Variants in RREB1 observed in about 807,000 individuals in gnomAD.
RREB1 encodes ras responsive element binding protein 1, also known as ras-responsive element-binding protein 1.
Under a neutral mutation model 117.8 loss-of-function variants are expected in RREB1, and 27 were observed. The observed-to-expected ratio is 0.23, with a 90% CI of 0.17 to 0.32. The LOEUF (loss-of-function observed/expected upper bound fraction) is 0.32, where lower values mean the gene tolerates loss of function less well. RREB1 is among the 10% of genes least tolerant of loss of function. RREB1 has a pLI of 1.00. For missense variants in RREB1, 2,577 were observed against 2,378.2 expected, an observed-to-expected ratio of 1.08 and a Z score of -1.74; for synonymous variants, 1,298 against 1,026.7, an observed-to-expected ratio of 1.26 and a Z score of -5.05.
chr6:7,231,847 C>T lies in RREB1; in HGVS notation c.3748C>T (p.His1250Tyr), dbSNP rs950151509. 2 of 1,613,584 alleles carry T rather than the reference C, an allele frequency of 1.2e-6. No individual in the cohort carries two copies. Among genetic ancestry groups the T allele is most frequent in the African/African-American group, 2.7e-5 (2 of 75,052 alleles). ...CTGCCTGCAGAAGATCACCTGTCCC[C>T]ACTGTCCCCGGGTTTTCCCTTGGGC... ...TNCLQKITCP[H>Y]CPRVFPWASS... The change falls in exon 10 of 13, where the codon CAC (histidine) becomes TAC (tyrosine). Residue 1250 changes from histidine to tyrosine, a missense_variant. Coordinates refer to ENST00000379938, the MANE Select transcript of RREB1 (RefSeq NM_001003699.4).
chr6:7,201,891 T>A (rs1355027788), intron 6 of RREB1, among the ~76,000 whole-genome samples: 1 of 152,150 alleles, frequency 6.6e-6, no homozygotes, highest in Non-Finnish European at 1.5e-5. Flanking sequence ...TGTTGGTAGA[T>A]GGTGTACTGT....
intron 6 of RREB1, among the ~76,000 whole-genome samples, chr6:7,202,072 C>T (rs1169443650): frequency 1.3e-5 from 2 of 152,192 alleles, no homozygotes; most frequent in East Asian, 1.9e-4. Context: ...TCTCTCCAAT[C>T]TTGGTTCCCC....
At chr6:7,128,162 C>G (rs1441721205) in intron 1 of RREB1, among the ~76,000 whole-genome samples, 2 of 152,142 alleles carry the variant, frequency 1.3e-5, no homozygotes, top group East Asian at 3.9e-4. Context: ...GGGGGTAGGC[C>G]TCCTGTAAAC....
intron 6 of RREB1, among the ~76,000 whole-genome samples, chr6:7,191,625 T>C (rs1765414260): frequency 6.6e-6 from 1 of 152,242 alleles, no homozygotes; most frequent in Non-Finnish European, 1.5e-5. Context: ...TTTTCCCATT[T>C]GTTAAGTCGT....
At chr6:7,244,386 A>G (rs1346554257) in intron 11 of RREB1, among the ~76,000 whole-genome samples, 3 of 152,214 alleles carry the variant, frequency 2.0e-5, no homozygotes, top group Non-Finnish European at 2.9e-5. Context: ...CAGCCTGGGC[A>G]ACATAGGGAG....
intron 6 of RREB1, among the ~76,000 whole-genome samples, chr6:7,200,282 ATTTT>A (rs1163811223): frequency 2.0e-5 from 2 of 97,734 alleles, no homozygotes; most frequent in Admixed American, 2.3e-4. Flanking sequence ...GTGTGTGTGT[ATTTT>A]TTTTTTTTTC....
chr6:7,152,726 G>A (rs905459175), intron 1 of RREB1, among the ~76,000 whole-genome samples: 1 of 152,226 alleles, frequency 6.6e-6, no homozygotes, highest in Non-Finnish European at 1.5e-5. Context: ...AGCTTTGCCA[G>A]TGCTAAGTGG....
At position 7,249,082 on chromosome 6, in the gene RREB1, A is replaced by G; in HGVS notation, c.*114A>G. 2.6e-6 allele frequency: 2 copies of G among 766,774 alleles called. No homozygotes were observed. The highest frequency in any genetic ancestry group is 4.0e-6 in the Non-Finnish European group (2 of 497,296). The allele number at this position is 766,774 out of a possible 1,614,324, so 47.5% of individuals were successfully genotyped here. On this transcript the variant is annotated 3_prime_UTR_variant, in exon 13 of 13. Transcript: ENST00000379938. The stretch of plus-strand genomic sequence containing the variant: ...AGGAGTGAGAGAGAGAGAGAGAGAG[A>G]GAGAGAGAGAGAGAGAGAGAGACAA...
At chr6:7,127,685 G>A (rs924200162) in intron 1 of RREB1, among the ~76,000 whole-genome samples, 5 of 152,210 alleles carry the variant, frequency 3.3e-5, no homozygotes, top group Admixed American at 2.0e-4. Context: ...TGTGAGCAGA[G>A]GGCCAGCTAA....
intron 4 of RREB1, chr6:7,183,468 C>T (rs1007784242): frequency 2.0e-5 from 3 of 152,252 alleles, no homozygotes; most frequent in Non-Finnish European, 2.9e-5. Flanking sequence ...AGGTTGTCGT[C>T]CTCATCCTTC....
At position 7,246,821 on chromosome 6, in the gene RREB1, C is replaced by T. The variant is rs1184938223; in HGVS notation, c.4371C>T (p.Phe1457=). Residue 1457 remains phenylalanine, a synonymous_variant, in exon 12 of 13, where the codon TTC becomes TTT. Transcript: ENST00000379938. ...CCTGCGACACCTGTGGGAAGAGCTT[C>T]AAGTTCCTGGGCACCCTGAGCCGCC... ...KLACDTCGKS[F]KFLGTLSRHR... is the part of the protein sequence containing the mutation. 8 of 1,553,610 alleles carry T rather than the reference C, an allele frequency of 5.1e-6. No individual in the cohort carries two copies. The highest frequency in any genetic ancestry group is 6.1e-6 in the Non-Finnish European group (7 of 1,148,932).
intron 1 of RREB1, among the ~76,000 whole-genome samples, chr6:7,155,191 G>A (rs984860100): frequency 1.8e-4 from 27 of 152,112 alleles, no homozygotes; most frequent in Admixed American, 1.4e-3. Context: ...ATTCTTCTTT[G>A]GTCTTTTTCC....
intron 1 of RREB1, among the ~76,000 whole-genome samples, chr6:7,156,044 A>G (rs1054178119): frequency 2.0e-5 from 3 of 152,254 alleles, no homozygotes; most frequent in African/African-American, 7.2e-5. Context: ...TAACTCACAA[A>G]GTAACATTTC....
intron 1 of RREB1, among the ~76,000 whole-genome samples, chr6:7,157,828 C>CT (rs1763457040): frequency 6.6e-6 from 1 of 152,032 alleles, no homozygotes; most frequent in Non-Finnish European, 1.5e-5. Context: ...CCTCTTTGCT[C>CT]TTTCATCCCT....
In RREB1 at chr6:7,192,559, A is replaced by G. The variant is rs535844548; in HGVS notation, c.425+3237A>G. Among the ~76,000 whole-genome samples the G allele has an allele frequency of 5.3e-5, 8 of 152,298 alleles. No homozygotes were observed. In the South Asian group the frequency reaches 1.2e-3, roughly 24 times the overall value. ...TCTTTCTAGGAATTTTGGATATTTC[A>G]TCAAGTGATATAATTGGTTGGCATA... is the stretch of plus-strand genomic sequence containing the variant. On this transcript the variant is annotated intron_variant, in intron 6 of 12. Transcript: ENST00000379938.
intron 6 of RREB1, among the ~76,000 whole-genome samples, chr6:7,189,557 C>A (rs1233718320): frequency 1.3e-5 from 2 of 152,124 alleles, no homozygotes; most frequent in Non-Finnish European, 2.9e-5. Context: ...GAGTCATTTC[C>A]CCTCTGCCAA....
chr6:7,199,727 C>T (rs1317389169), intron 6 of RREB1, among the ~76,000 whole-genome samples: 1 of 151,748 alleles, frequency 6.6e-6, no homozygotes, highest in African/African-American at 2.4e-5. Flanking sequence ...GCAGTGGTGC[C>T]ATCATAGCTC....
At chr6:7,201,752 C>T (rs1765999870) in intron 6 of RREB1, among the ~76,000 whole-genome samples, 1 of 152,146 alleles carries the variant, frequency 6.6e-6, no homozygotes. Flanking sequence ...GTGGTGTCAG[C>T]ACTTAATTCT....
chr6:7,217,741 ATG>A (rs2113040055), intron 8 of RREB1: 1 of 152,274 alleles, frequency 6.6e-6, no homozygotes, highest in South Asian at 2.1e-4. Context: ...ATTATTTAGA[ATG>A]TATTTTTTAT....
Sources: allele counts gnomAD v4.1 joint callset (sites outside exome capture counted in the v4.1 genomes callset), GRCh38; gene constraint gnomAD v4.1.1; transcripts MANE v1.5; gene names NCBI Gene and HGNC (gene_info 2026-07-23, HGNC 2026-07-21).